Variants in JAZF1 observed in about 807,000 individuals in gnomAD.
JAZF1 encodes juxtaposed with another zinc finger protein 1.
In JAZF1, 8 loss-of-function variants were observed where a neutral mutation model predicts 26.4. That is an observed-to-expected ratio of 0.30 (90% CI 0.18 to 0.55). JAZF1 has a LOEUF of 0.55. Ranked by LOEUF, JAZF1 falls within the 20% of genes least tolerant of loss-of-function variation. The pLI, the probability that JAZF1 is intolerant of heterozygous loss-of-function variation, is 0.94. For synonymous variants in JAZF1, 126 were observed against 122.3 expected, an observed-to-expected ratio of 1.03 and a Z score of -0.20; for missense variants, 199 against 322.0, an observed-to-expected ratio of 0.62 and a Z score of 2.92.
At chr7:27,942,041 C>T (rs1471532169) in intron 2 of JAZF1, among the ~76,000 whole-genome samples, 1 of 152,228 alleles carries the variant, frequency 6.6e-6, no homozygotes, top group Non-Finnish European at 1.5e-5. Context: ...AACACCATTT[C>T]ACCTCACTGG....
chr7:28,086,838 AG>A (rs1784219172), intron 1 of JAZF1, among the ~76,000 whole-genome samples: 1 of 152,208 alleles, frequency 6.6e-6, no homozygotes, highest in African/African-American at 2.4e-5. Flanking sequence ...GCAAGAGAAA[AG>A]GTTACCACTG....
At chr7:27,982,917 A>T (rs1217061591) in intron 2 of JAZF1, among the ~76,000 whole-genome samples, 1 of 152,200 alleles carries the variant, frequency 6.6e-6, no homozygotes, top group African/African-American at 2.4e-5. Flanking sequence ...CAGAAAGGAC[A>T]TCCACACCAA....
At chr7:27,957,196 C>G (rs908427884) in intron 2 of JAZF1, among the ~76,000 whole-genome samples, 4 of 152,196 alleles carry the variant, frequency 2.6e-5, no homozygotes, top group African/African-American at 9.7e-5. Flanking sequence ...TCAGGAACAG[C>G]AGCCAGACCC....
At chr7:28,171,559 G>A (rs1006243079) in intron 1 of JAZF1, among the ~76,000 whole-genome samples, 1 of 152,190 alleles carries the variant, frequency 6.6e-6, no homozygotes, top group African/African-American at 2.4e-5. Context: ...GCACACCCCC[G>A]CTGGTGCAGC....
intron 1 of JAZF1, among the ~76,000 whole-genome samples, chr7:28,149,751 A>C (rs1166779318): frequency 6.6e-6 from 1 of 152,256 alleles, no homozygotes; most frequent in Non-Finnish European, 1.5e-5. Flanking sequence ...GTATCTGCTG[A>C]AACATGGGAT....
chr7:28,070,750 A>T (rs1783962942), intron 1 of JAZF1, among the ~76,000 whole-genome samples: 1 of 152,216 alleles, frequency 6.6e-6, no homozygotes, highest in African/African-American at 2.4e-5. Context: ...AAGGCAACAG[A>T]AAGGTACATA....
intron 1 of JAZF1, among the ~76,000 whole-genome samples, chr7:28,147,952 A>T (rs1349569158): frequency 6.6e-6 from 1 of 152,140 alleles, no homozygotes; most frequent in East Asian, 1.9e-4. Context: ...CTCTTAACAT[A>T]GCACAACCAC....
Position 28,180,713 on chromosome 7 carries a change from A to C in JAZF1, c.-136T>G. On this transcript the variant is annotated 5_prime_UTR_variant, in exon 1 of 5. Transcript: ENST00000283928. ...AGGCGGGGTGAGGGGAGCGGCGAGG[A>C]CGGGACGGAGGGAGAGGGGGCGAGA... is the stretch of plus-strand genomic sequence containing the variant. 1 of 578,436 alleles carries C rather than the reference A, an allele frequency of 1.7e-6. No individual in the cohort carries two copies. The highest frequency in any genetic ancestry group is 3.1e-6 in the Non-Finnish European group (1 of 323,382). The allele number at this position is 578,436 out of a possible 1,614,324, so 35.8% of individuals were successfully genotyped here.
At chr7:28,121,362 T>C (rs538716675) in intron 1 of JAZF1, among the ~76,000 whole-genome samples, 2 of 152,226 alleles carry the variant, frequency 1.3e-5, no homozygotes, top group East Asian at 3.9e-4. Context: ...ATTAAAAGGA[T>C]CTACAAGCGC....
chr7:28,020,542 A>G (rs1214433322), intron 1 of JAZF1: 2 of 471,092 alleles, frequency 4.2e-6, no homozygotes, highest in East Asian at 6.9e-5. Flanking sequence ...TACAAGTGTC[A>G]TGACACTTAC....
chr7:27,982,170 T>TGCAAGAGG (rs1372645588), intron 2 of JAZF1, among the ~76,000 whole-genome samples: 2 of 152,126 alleles, frequency 1.3e-5, no homozygotes, highest in Non-Finnish European at 2.9e-5. Context: ...ACCCAGGAAG[T>TGCAAGAGG]GCAAGAGGTA....
Position 28,018,248 on chromosome 7 carries a change from G to T in JAZF1, c.116-26267C>A, listed in dbSNP as rs117372770. The stretch of plus-strand genomic sequence containing the variant: ...AGGAGTCGGCCAGGGCACAGGCCTG[G>T]AGGCGGAAATGTGCTGGGTGCATGG... On this transcript the variant is annotated intron_variant, in intron 1 of 4. Coordinates refer to ENST00000283928, the MANE Select transcript of JAZF1 (RefSeq NM_175061.4). 5.2e-3 allele frequency among the ~76,000 whole-genome samples: 790 copies of T among 152,330 alleles called. 4 individuals are homozygous for T. Among genetic ancestry groups the T allele is most frequent in the Middle Eastern group, 0.014 (4 of 294 alleles).
chr7:28,135,395 C>T (rs1392384135), intron 1 of JAZF1, among the ~76,000 whole-genome samples: 1 of 152,210 alleles, frequency 6.6e-6, no homozygotes, highest in South Asian at 2.1e-4. Flanking sequence ...AGGGTTGCTA[C>T]ATGTTACTAG....
In JAZF1 at chr7:28,180,643, A is replaced by AGGCCGGGT. The variant is rs1783632940; in HGVS notation, c.-74_-67dup. On this transcript the variant is annotated 5_prime_UTR_variant, in exon 1 of 5. Transcript: ENST00000283928. ...CGCCGGGCGGGCGAGGGAGGGAGGG[A>AGGCCGGGT]GGCCGGGTGGGGTGAGGAGAGGAGG... The AGGCCGGGT allele has an allele frequency of 3.9e-6, 2 of 519,026 alleles. No individual in the cohort carries two copies. The highest frequency in any genetic ancestry group is 5.9e-5 in the Admixed American group (2 of 33,650). The allele number at this position is 519,026 out of a possible 1,614,324, so 32.2% of individuals were successfully genotyped here. A position where few individuals can be genotyped will look rare whatever the true frequency, so the allele number is the denominator to read the frequency against.
chr7:27,897,763 T>C (rs996107177), intron 2 of JAZF1, among the ~76,000 whole-genome samples: 2 of 152,158 alleles, frequency 1.3e-5, no homozygotes, highest in African/African-American at 2.4e-5. Flanking sequence ...TCTACCAGGA[T>C]AGCTTCCACT....
intron 1 of JAZF1, among the ~76,000 whole-genome samples, chr7:28,097,475 T>C (rs1433835181): frequency 6.6e-6 from 1 of 152,200 alleles, no homozygotes; most frequent in Non-Finnish European, 1.5e-5. Context: ...TATAAATTAG[T>C]TAAGCCAAAT....
intron 2 of JAZF1, among the ~76,000 whole-genome samples, chr7:27,984,238 A>G (rs1442199585): frequency 6.6e-6 from 1 of 152,220 alleles, no homozygotes; most frequent in African/African-American, 2.4e-5. Flanking sequence ...TAGGCTCAAA[A>G]TAAAGGGATG....
intron 1 of JAZF1, among the ~76,000 whole-genome samples, chr7:28,103,702 A>T (rs1784508198): frequency 1.3e-5 from 2 of 151,910 alleles, no homozygotes; most frequent in Non-Finnish European, 2.9e-5. Context: ...TTATCTCTAA[A>T]ATCTACCCAG....
chr7:27,909,343 A>C (rs1784319401), intron 2 of JAZF1, among the ~76,000 whole-genome samples: 1 of 152,010 alleles, frequency 6.6e-6, no homozygotes, highest in African/African-American at 2.4e-5. Context: ...AATCTTGGGT[A>C]TGGAAAGGAC....
Sources: gnomAD v4.1 joint callset for allele counts (sites outside exome capture counted in the v4.1 genomes callset) on GRCh38, gnomAD v4.1.1 for gene constraint, MANE v1.5 for transcripts, NCBI Gene and HGNC (gene_info 2026-07-23, HGNC 2026-07-21) for gene names.